DISP2: variants seen among roughly 807,000 people sequenced by gnomAD.
The protein encoded by DISP2 is protein dispatched homolog 2.
DISP2 carries 59 observed loss-of-function variants against 95.5 expected under a neutral mutation model. That is an observed-to-expected ratio of 0.62 (90% confidence interval 0.50 to 0.77). The LOEUF is 0.77. Among genes scored for constraint, DISP2 ranks in the 30% least tolerant of loss-of-function variants. The pLI is 0.00. For missense variants in DISP2, 1,752 were observed against 1,854.6 expected (o/e 0.94, Z 1.02); for synonymous variants, 827 against 815.0 (o/e 1.01, Z -0.25).
intron 1 of DISP2, among the ~76,000 whole-genome samples, chr15:40,360,046 G>A (rs747018898): frequency 1.4e-4 from 21 of 152,212 alleles, no homozygotes; most frequent in Non-Finnish European, 2.9e-5. Context: ...ATATACATTT[G>A]CCCCTTATGG....
In DISP2 at chr15:40,368,373, G is replaced by C. The variant is rs770035705; in HGVS notation, c.2261G>C (p.Arg754Pro). The C allele has an allele frequency of 2.5e-6, 4 of 1,606,760 alleles. No individual in the cohort carries two copies. The highest frequency in any genetic ancestry group is 3.4e-6 in the Non-Finnish European group (4 of 1,179,600). The change falls in exon 8 of 8, where the codon CGC (arginine) becomes CCC (proline). Residue 754 changes from arginine to proline, a missense_variant. By Grantham distance (103) the Arg-to-Pro change is moderately radical. Coordinates refer to ENST00000267889, the MANE Select transcript of DISP2 (RefSeq NM_033510.3). ...HPFERFDAEY[R>P]QLFLFEQLPQ... ...TTCGAGCGCTTCGACGCGGAGTATC[G>C]CCAGCTGTTCCTGTTCGAGCAGCTG...
At chr15:40,358,668 C>G (rs980414115) in intron 1 of DISP2, among the ~76,000 whole-genome samples, 2 of 152,132 alleles carry the variant, frequency 1.3e-5, no homozygotes, top group Non-Finnish European at 2.9e-5. Context: ...GCCCTCCCCG[C>G]TTAGGGAACC....
In DISP2 at chr15:40,365,144, C is replaced by T. The variant is rs1220041042; in HGVS notation, c.720-3C>T. ...CCTGGCATAGATATTCTCTCCACTT[C>T]AGCTCGAGCTCCCACAACACTCTGA... On this transcript the variant is annotated splice_region_variant and splice_polypyrimidine_tract_variant and intron_variant, in intron 5 of 7. Coordinates refer to ENST00000267889, the MANE Select transcript of DISP2 (RefSeq NM_033510.3). 6.2e-7 allele frequency: 1 copy of T among 1,613,104 alleles called. No individual in the cohort carries two copies. The highest frequency in any genetic ancestry group is 8.5e-7 in the Non-Finnish European group (1 of 1,179,606).
At chr15:40,363,505 A>C in intron 1 of DISP2, 120 bp from the exon 2 acceptor site, 2 of 742,556 alleles carry the variant, frequency 2.7e-6, no homozygotes, top group South Asian at 4.6e-5. Context: ...CCCCAGGACT[A>C]ATAAATCAAC....
rs758369150 is a variant in DISP2 at position 40,368,362 on chromosome 15, C to T, written c.2250C>T (p.Asp750=). ...CCAGCCACCCCTTCGAGCGCTTCGA[C>T]GCGGAGTATCGCCAGCTGTTCCTGT... ...FRPSHPFERF[D]AEYRQLFLFE... is the part of the protein sequence containing the mutation. The change falls in exon 8 of 8, where the codon GAC becomes GAT. Residue 750 remains aspartate, a synonymous_variant. Coordinates refer to ENST00000267889, the MANE Select transcript of DISP2 (RefSeq NM_033510.3). 6.2e-7 allele frequency: 1 copy of T among 1,606,548 alleles called. No homozygotes were observed. The highest frequency in any genetic ancestry group is 8.5e-7 in the Non-Finnish European group (1 of 1,179,330).
chr15:40,358,263 G>GCCA lies in DISP2; in HGVS notation c.-57_-56insACC, dbSNP rs1405251283. ...CGCCGCTGCCGCCGCCACCGCCGCCGCCGCCGCCGCCGCCGCGGCTTCAGC... is the reference window on the plus strand; with the variant it reads ...CGCCGCTGCCGCCGCCACCGCCGCCGCCACCGCCGCCGCCGCCGCGGCTTCAGC... On this transcript the variant is annotated 5_prime_UTR_variant, in exon 1 of 8. Coordinates refer to ENST00000267889, the MANE Select transcript of DISP2 (RefSeq NM_033510.3). 1.7e-5 allele frequency: 20 copies of GCCA among 1,174,372 alleles called. No individual in the cohort carries two copies. The highest frequency in any genetic ancestry group is 1.7e-5 in the Non-Finnish European group (16 of 951,738). The allele number at this position is 1,174,372 out of a possible 1,614,324, so 72.7% of individuals were successfully genotyped here.
intron 7 of DISP2, among the ~76,000 whole-genome samples, chr15:40,366,635 T>G (rs1161711101): frequency 2.0e-5 from 3 of 152,198 alleles, no homozygotes. Context: ...AGCGGTGCAG[T>G]GGACAGAGGG....
rs200024661 is a variant in DISP2 at position 40,365,290 on chromosome 15, G to C, written c.847+16G>C. 169 of 1,612,870 alleles carry C rather than the reference G, an allele frequency of 1.0e-4. No individual in the cohort carries two copies. In the East Asian group the frequency reaches 3.7e-3, roughly 35 times the overall value. On this transcript the variant is annotated intron_variant, in intron 6 of 7. Transcript: ENST00000267889. ...GGCCCCCCTGGTAAGCTGCAGCCTG[G>C]CCAGTTCCTGGTTTTAATAGTGGTC...
At chr15:40,361,768 G>A (rs928728749) in intron 1 of DISP2, among the ~76,000 whole-genome samples, 1 of 152,262 alleles carries the variant, frequency 6.6e-6, no homozygotes, top group Non-Finnish European at 1.5e-5. Context: ...GGCTGGGACT[G>A]CAGCTCACAG....
Position 40,365,210 on chromosome 15 carries a change from G to A in DISP2, c.783G>A (p.Arg261=), listed in dbSNP as rs1247069056. 9 of 1,614,160 alleles carry A rather than the reference G, an allele frequency of 5.6e-6. No homozygotes were observed. Among genetic ancestry groups the A allele is most frequent in the Non-Finnish European group, 7.6e-6 (9 of 1,180,046 alleles). The change falls in exon 6 of 8, where the codon CGG becomes CGA. Residue 261 remains arginine (R), a synonymous_variant. Coordinates refer to ENST00000267889, the MANE Select transcript of DISP2 (RefSeq NM_033510.3). ...GCAGTGCCCAGGAGAGCGCTGTCCG[G>A]CCTCGGAGAATGGTGGAGCCCCTGG... ...PRGSAQESAV[R]PRRMVEPLED...
At position 40,365,872 on chromosome 15, in the gene DISP2, G is replaced by C. The variant is rs569952445; in HGVS notation, c.945+147G>C. On this transcript the variant is annotated intron_variant, in intron 7 of 7. Transcript: ENST00000267889. ...CTTAGAAAATTATTCCAACCCTGCT[G>C]AGAGGCTCCAGGTTGGGGTGGGAAA... is the stretch of plus-strand genomic sequence containing the variant. 1.5e-5 allele frequency: 12 copies of C among 797,976 alleles called. No homozygotes were observed. The South Asian group carries it at 1.8e-4, about 12-fold the overall frequency. 49.4% of individuals were successfully genotyped at this position (797,976 alleles called of 1,614,324 possible).
intron 7 of DISP2, among the ~76,000 whole-genome samples, chr15:40,365,964 C>T (rs533519191): frequency 3.3e-5 from 5 of 152,318 alleles, no homozygotes; most frequent in Admixed American, 2.0e-4. Context: ...GCAGGGACTG[C>T]GGGTTTCCAA....
At chr15:40,366,469 A>T (rs1239265627) in intron 7 of DISP2, among the ~76,000 whole-genome samples, 1 of 152,260 alleles carries the variant, frequency 6.6e-6, no homozygotes, top group Non-Finnish European at 1.5e-5. Context: ...CTCAGGCCCA[A>T]GGTTACGCAG....
Position 40,368,058 on chromosome 15 carries a change from C to A in DISP2, c.1946C>A (p.Ala649Glu). The A allele has an allele frequency of 2.0e-6, 3 of 1,502,250 alleles. No homozygotes were observed. The highest frequency in any genetic ancestry group is 2.7e-6 in the Non-Finnish European group (3 of 1,132,062). The allele number at this position is 1,502,250 out of a possible 1,614,324, so 93.1% of individuals were successfully genotyped here. The change falls in exon 8 of 8, where the codon GCG becomes GAG. Residue 649 changes from alanine (A) to glutamate (E), a missense_variant. Physicochemically the swap from Ala to Glu is moderately radical, Grantham distance 107. This residue lies in a region of DISP2 where 732 missense variants were observed against 714.6 expected (regional missense o/e 1.02). Coordinates refer to ENST00000267889, the MANE Select transcript of DISP2 (RefSeq NM_033510.3). The stretch of plus-strand genomic sequence containing the variant: ...GCCGTGCTCCACGAGCGCTACCTGG[C>A]GCGCGGCTGTGCGCGCCGGGCGCGG... ...ASAVLHERYLARGCARRARGR... is the reference protein window; with the variant it reads ...ASAVLHERYLERGCARRARGR...
rs759382063 is a variant in DISP2, at chr15:40,369,554, C to T, written c.3442C>T (p.Arg1148Ter). ...TGGTGGGGAGAAGGCAGGCCGCCCA[C>T]GACCAGGGTCAGTGGGAGGGATGCC... ...DPGGEKAGRP[R>*]PGSVGGMPGS... is the part of the protein sequence containing the mutation. Residue 1148 changes from arginine (R) to a stop codon, truncating the protein, a stop_gained, in exon 8 of 8, where the codon CGA (arginine) becomes TGA (stop). Coordinates refer to ENST00000267889, the MANE Select transcript of DISP2 (RefSeq NM_033510.3). LOFTEE classifies it high-confidence loss of function. 1.3e-5 allele frequency: 21 copies of T among 1,612,378 alleles called. No individual in the cohort carries two copies. The highest frequency in any genetic ancestry group is 8.5e-6 in the Non-Finnish European group (10 of 1,180,010).
Position 40,368,291 on chromosome 15 carries a change from C to A in DISP2, c.2179C>A (p.Leu727Met). 1 of 1,606,652 alleles carries A rather than the reference C, an allele frequency of 6.2e-7. No individual in the cohort carries two copies. ...GAYIAGVSPR[L>M]RLPTLPPPGG... ...CTACATCGCCGGAGTCAGCCCCCGC[C>A]TGCGGCTGCCCACGCTGCCGCCGCC... is the stretch of plus-strand genomic sequence containing the variant. Residue 727 changes from leucine to methionine, a missense_variant, in exon 8 of 8, where the codon CTG becomes ATG. Coordinates refer to ENST00000267889, the MANE Select transcript of DISP2 (RefSeq NM_033510.3).
At position 40,368,346 on chromosome 15, in the gene DISP2, C is replaced by A. The variant is rs753364423; in HGVS notation, c.2234C>A (p.Pro745His). The change falls in exon 8 of 8, where the codon CCC becomes CAC. Residue 745 changes from proline to histidine, a missense_variant. Transcript: ENST00000267889. ...PGGQVFRPSH[P>H]FERFDAEYRQ... ...GGCCAGGTCTTCCGGCCCAGCCACC[C>A]CTTCGAGCGCTTCGACGCGGAGTAT... is the stretch of plus-strand genomic sequence containing the variant. 1.1e-5 allele frequency: 18 copies of A among 1,605,386 alleles called. No individual in the cohort carries two copies. In the South Asian group the frequency reaches 2.0e-4, roughly 18 times the overall value.
chr15:40,367,161 G>A lies in DISP2; in HGVS notation c.1049G>A (p.Arg350His), dbSNP rs369585136. 16 of 1,613,898 alleles carry A rather than the reference G, an allele frequency of 9.9e-6. 1 individual carries two copies. The highest frequency in any genetic ancestry group is 4.4e-5 in the South Asian group (4 of 91,070). ...LGNYLAVLSN[R>H]SSCLDTTQAD... ...AACTATCTGGCTGTGCTCTCCAACC[G>A]CTCCTCCTGCCTGGACACTACCCAA... Residue 350 changes from arginine (R) to histidine (H), a missense_variant, in exon 8 of 8, where the codon CGC (arginine) becomes CAC (histidine). Arg to His is a conservative substitution (Grantham distance 29). Coordinates refer to ENST00000267889, the MANE Select transcript of DISP2 (RefSeq NM_033510.3).
Position 40,358,374 on chromosome 15 carries a change from CG to C in DISP2, c.56del (p.Gly19ValfsTer146). The C allele has an allele frequency of 3.6e-6, 5 of 1,374,082 alleles. No individual in the cohort carries two copies. Among genetic ancestry groups the C allele is most frequent in the Non-Finnish European group, 4.7e-6 (5 of 1,063,238 alleles). 85.1% of individuals were successfully genotyped at this position (1,374,082 alleles called of 1,614,324 possible). ...SSGGSGPAPGPGPEGEQRPEG... is the reference protein window; with the variant it reads ...SSGGSGPAPGXGPEGEQRPEG... ...GGCGGCAGCGGTCCGGCTCCCGGCC[CG>C]GGTCCGGAAGGGGAGCAACGGCCCG... is the stretch of plus-strand genomic sequence containing the variant. On this transcript the variant is annotated frameshift_variant, in exon 1 of 8. Transcript: ENST00000267889. LOFTEE classifies it high-confidence loss of function.
Sources: gnomAD v4.1 joint callset for allele counts (sites outside exome capture counted in the v4.1 genomes callset) on GRCh38, gnomAD v4.1.1 for gene constraint, gnomAD v4.1.1 regional missense constraint, MANE v1.5 for transcripts, NCBI Gene and HGNC (gene_info 2026-07-23, HGNC 2026-07-21) for gene names.